Variants in TEKT5 observed in about 807,000 individuals in gnomAD.
The protein encoded by TEKT5 is tektin-5.
TEKT5 carries 52 observed loss-of-function variants against 48.7 expected under a neutral mutation model. That is an observed-to-expected ratio of 1.07 (90% CI 0.86 to 1.35). TEKT5 has a LOEUF of 1.35. Ranked by LOEUF, TEKT5 falls within the 40% of genes most tolerant of loss-of-function variation. The pLI, the probability that TEKT5 is intolerant of heterozygous loss-of-function variation, is 0.00. For synonymous variants in TEKT5, 318 were observed against 267.6 expected (o/e 1.19, Z -1.84); for missense variants, 831 against 641.6 (o/e 1.30, Z -3.19).
At chr16:10,667,254 G>GA (rs770773251) in intron 5 of TEKT5, among the ~76,000 whole-genome samples, 30 of 152,154 alleles carry the variant, frequency 2.0e-4, no homozygotes, top group Non-Finnish European at 3.7e-4. Flanking sequence ...AAAGTGCTGG[G>GA]ATTACAGGCA....
At chr16:10,677,769 G>A (rs905602616) in intron 4 of TEKT5, among the ~76,000 whole-genome samples, 2 of 118,078 alleles carry the variant, frequency 1.7e-5, no homozygotes, top group African/African-American at 7.1e-5. Flanking sequence ...AGAAATCGCA[G>A]CCTCTCCCCT....
chr16:10,653,827 C>G (rs1380702140), intron 5 of TEKT5, among the ~76,000 whole-genome samples: 1 of 152,118 alleles, frequency 6.6e-6, no homozygotes, highest in African/African-American at 2.4e-5. Context: ...GCAGGAGAGT[C>G]ACTTGAACCT....
chr16:10,627,936 G>C, intron 6 of TEKT5, 137 bp from the exon 7 acceptor site: 3 of 674,454 alleles, frequency 4.4e-6, no homozygotes, highest in Non-Finnish European at 7.2e-6. Flanking sequence ...TCTGCCTCCC[G>C]GGTTCAAGTA....
intron 5 of TEKT5, among the ~76,000 whole-genome samples, chr16:10,673,138 G>A (rs543623853): frequency 6.6e-6 from 1 of 152,312 alleles, no homozygotes; most frequent in Non-Finnish European, 1.5e-5. Context: ...AAGGAGCAAT[G>A]AAAACACAGT....
At chr16:10,667,877 ATAAT>A (rs1898484236) in intron 5 of TEKT5, among the ~76,000 whole-genome samples, 39 of 151,202 alleles carry the variant, frequency 2.6e-4, no homozygotes, top group South Asian at 6.4e-4. Context: ...AAATAAGTTA[ATAAT>A]TTTTTTTTTT....
At chr16:10,669,696 C>A (rs1265206525) in intron 5 of TEKT5, among the ~76,000 whole-genome samples, 1 of 151,724 alleles carries the variant, frequency 6.6e-6, no homozygotes, top group Non-Finnish European at 1.5e-5. Context: ...ACACATCCTA[C>A]CCCCAAAAAC....
At chr16:10,689,546 C>A in intron 2 of TEKT5, among the ~76,000 whole-genome samples, 1 of 140,676 alleles carries the variant, frequency 7.1e-6, no homozygotes, top group Non-Finnish European at 1.5e-5. Context: ...TTTTTTTGCC[C>A]TACTTTCTTT....
intron 5 of TEKT5, among the ~76,000 whole-genome samples, chr16:10,674,334 T>C (rs937792524): frequency 5.9e-5 from 9 of 152,060 alleles, no homozygotes; most frequent in African/African-American, 1.7e-4. Flanking sequence ...AATGATTTCA[T>C]GGAAACTCCT....
intron 6 of TEKT5, 136 bp downstream of exon 6, chr16:10,635,628 G>A (rs1443956319): frequency 1.5e-6 from 2 of 1,347,912 alleles, no homozygotes; most frequent in Admixed American, 2.1e-5. Flanking sequence ...ACTCTACTGA[G>A]TTGTGGGACT....
At chr16:10,676,992 T>G (rs1038957227) in intron 4 of TEKT5, among the ~76,000 whole-genome samples, 1 of 152,110 alleles carries the variant, frequency 6.6e-6, no homozygotes, top group Non-Finnish European at 1.5e-5. Flanking sequence ...AAGACCACAC[T>G]GGGCAATGTG....
chr16:10,647,455 G>C (rs1328499410), intron 5 of TEKT5, among the ~76,000 whole-genome samples: 17 of 145,306 alleles, frequency 1.2e-4, no homozygotes, highest in Non-Finnish European at 1.5e-5. Flanking sequence ...CTGGGTGACA[G>C]AGTGGGACCC....
intron 6 of TEKT5, among the ~76,000 whole-genome samples, chr16:10,634,364 G>A (rs1291044455): frequency 1.3e-5 from 2 of 152,114 alleles, no homozygotes; most frequent in Non-Finnish European, 2.9e-5. Flanking sequence ...TTTTTCTCTT[G>A]GGGGATATCA....
intron 5 of TEKT5, among the ~76,000 whole-genome samples, chr16:10,649,116 T>C (rs1193282086): frequency 2.5e-5 from 3 of 122,278 alleles, no homozygotes; most frequent in Admixed American, 7.9e-5. Flanking sequence ...TACCTGGCTA[T>C]TTATTTTTAT....
intron 4 of TEKT5, among the ~76,000 whole-genome samples, chr16:10,680,631 T>C (rs1170255970): frequency 2.0e-5 from 3 of 151,800 alleles, no homozygotes; most frequent in Non-Finnish European, 4.4e-5. Flanking sequence ...GATGATAGAC[T>C]GGATTAAGAA....
chr16:10,660,895 T>A (rs937632197), intron 5 of TEKT5, among the ~76,000 whole-genome samples: 5 of 152,122 alleles, frequency 3.3e-5, no homozygotes, highest in African/African-American at 1.2e-4. Flanking sequence ...GAGATGTGGT[T>A]TCGCCATGTT....
At chr16:10,627,931 C>A in intron 6 of TEKT5, 132 bp from the exon 7 acceptor site, 1 of 709,248 alleles carries the variant, frequency 1.4e-6, no homozygotes, top group Non-Finnish European at 2.2e-6. Context: ...CAACCTCTGC[C>A]TCCCGGGTTC....
Position 10,680,687 on chromosome 16 carries a change from T to C in TEKT5, c.863+1306A>G, listed in dbSNP as rs1467327334. 5.3e-5 allele frequency among the ~76,000 whole-genome samples: 8 copies of C among 151,674 alleles called. No homozygotes were observed. In the East Asian group the frequency reaches 1.4e-3, roughly 26 times the overall value. On this transcript the variant is annotated intron_variant, in intron 4 of 6. Coordinates refer to ENST00000283025, the MANE Select transcript of TEKT5 (RefSeq NM_144674.2). The stretch of plus-strand genomic sequence containing the variant: ...TGGAATACTATGCAGCCATAAAAAA[T>C]GATGAGTTCATGTCCTTTGTAGGGA...
At chr16:10,651,651 G>A (rs529485658) in intron 5 of TEKT5, among the ~76,000 whole-genome samples, 2 of 152,282 alleles carry the variant, frequency 1.3e-5, no homozygotes, top group Admixed American at 6.5e-5. Flanking sequence ...ATACACCATG[G>A]AGTGTGCGTT....
chr16:10,651,859 G>A lies in TEKT5; in HGVS notation c.1087-15941C>T, dbSNP rs528659978. On this transcript the variant is annotated intron_variant, in intron 5 of 6. Transcript: ENST00000283025. ...TGCCTGTAATCCAAGCTACTTGAGA[G>A]GCTGAGGCAGAAGAATCACTTGAAC... Among the ~76,000 whole-genome samples the A allele has an allele frequency of 4.6e-5, 7 of 152,310 alleles. 1 individual carries two copies. In the South Asian group the frequency reaches 1.2e-3, roughly 27 times the overall value.
Sources: allele counts gnomAD v4.1 joint callset (sites outside exome capture counted in the v4.1 genomes callset), GRCh38; gene constraint gnomAD v4.1.1; transcripts MANE v1.5; gene names NCBI Gene and HGNC (gene_info 2026-07-23, HGNC 2026-07-21).